Variants in MTCL2 observed in about 807,000 individuals in gnomAD.
The protein encoded by MTCL2 is microtubule crosslinking factor 2.
chr20:36,838,669 A>G, the MTCL2 span, among the ~76,000 whole-genome samples: 1 of 151,788 alleles, frequency 6.6e-6, no homozygotes, highest in Non-Finnish European at 1.5e-5. Flanking sequence ...TTGATACTCA[A>G]TAAACAGTAG....
At chr20:36,777,763 G>T in the MTCL2 span, 1 of 596,582 alleles carries the variant, frequency 1.7e-6, no homozygotes. Context: ...CAGGCTGAGT[G>T]GGAAGGGGGT....
At chr20:36,804,690 T>C in the MTCL2 span, 2 of 1,600,052 alleles carry the variant, frequency 1.2e-6, no homozygotes, top group South Asian at 2.2e-5. Flanking sequence ...GCTAAAGGCT[T>C]GGCTGAGAGT....
At chr20:36,856,084 C>T in the MTCL2 span, among the ~76,000 whole-genome samples, 1 of 152,188 alleles carries the variant, frequency 6.6e-6, no homozygotes, top group Non-Finnish European at 1.5e-5. Context: ...CCTTCCCAGA[C>T]TCTCCCCATC....
chr20:36,807,048 A>C, the MTCL2 span, among the ~76,000 whole-genome samples: 1 of 152,152 alleles, frequency 6.6e-6, no homozygotes, highest in Non-Finnish European at 1.5e-5. Context: ...TATGTTTCCA[A>C]ACGTCACAGA....
At chr20:36,790,077 C>T in the MTCL2 span, among the ~76,000 whole-genome samples, 12 of 151,232 alleles carry the variant, frequency 7.9e-5, no homozygotes, top group Non-Finnish European at 1.3e-4. Flanking sequence ...CTGCAAGCTC[C>T]GCCTCCCGGG....
chr20:36,805,178 T>C, the MTCL2 span, among the ~76,000 whole-genome samples: 1 of 152,202 alleles, frequency 6.6e-6, no homozygotes, highest in Non-Finnish European at 1.5e-5. Context: ...ATCATCTGGC[T>C]TCTTCAAGGC....
chr20:36,861,937 G>A, the MTCL2 span, among the ~76,000 whole-genome samples: 8,439 of 152,316 alleles, frequency 0.055, 360 homozygotes, highest in Non-Finnish European at 0.096. Context: ...CTCTCACTGC[G>A]AACATGGAAA....
the MTCL2 span, chr20:36,785,023 G>A: frequency 2.0e-6 from 2 of 985,540 alleles, no homozygotes; most frequent in Non-Finnish European, 2.4e-6. Context: ...AAATGAGACA[G>A]GCAATGGAGA....
At chr20:36,862,064 A>G in the MTCL2 span, among the ~76,000 whole-genome samples, 9 of 152,242 alleles carry the variant, frequency 5.9e-5, no homozygotes, top group Non-Finnish European at 1.2e-4. Flanking sequence ...CTCCCACGAC[A>G]TCATCCTCCA....
At chr20:36,818,580 G>C in the MTCL2 span, among the ~76,000 whole-genome samples, 1 of 152,190 alleles carries the variant, frequency 6.6e-6, no homozygotes, top group Non-Finnish European at 1.5e-5. Context: ...TGAGAGGATT[G>C]CTTGCATTGA....
At chr20:36,815,947 C>A in the MTCL2 span, 1 of 1,613,030 alleles carries the variant, frequency 6.2e-7, no homozygotes, top group Non-Finnish European at 8.5e-7. The surrounding 1 kb of genome is among the most constrained non-coding windows in gnomAD (Gnocchi z 5.3). Context: ...CCACCCAGCG[C>A]GGAGAAGGCC....
At chr20:36,860,707 C>T in the MTCL2 span, among the ~76,000 whole-genome samples, 1 of 152,194 alleles carries the variant, frequency 6.6e-6, no homozygotes. Context: ...GGTTGGAAAG[C>T]GTGTTACTGT....
chr20:36,805,698 A>C, the MTCL2 span, among the ~76,000 whole-genome samples: 2 of 152,198 alleles, frequency 1.3e-5, no homozygotes, highest in Admixed American at 6.6e-5. Flanking sequence ...CCCACAGTCC[A>C]TCATCTGGAC....
chr20:36,794,268 C>T, the MTCL2 span: 2 of 1,551,746 alleles, frequency 1.3e-6, no homozygotes, highest in Non-Finnish European at 1.7e-6. The surrounding 1 kb of genome is among the most constrained non-coding windows in gnomAD (Gnocchi z 5.4). Flanking sequence ...ATGATCTTGC[C>T]CTCTTTGTCA....
chr20:36,784,351 T>C, the MTCL2 span: 1 of 985,686 alleles, frequency 1.0e-6, no homozygotes, highest in African/African-American at 1.7e-5. Flanking sequence ...ATGACCCTGG[T>C]GTTCAGCCTG....
chr20:36,787,994 A>T, the MTCL2 span, among the ~76,000 whole-genome samples: 14 of 149,804 alleles, frequency 9.3e-5, no homozygotes, highest in African/African-American at 3.2e-4. Context: ...TGAGGTCAGG[A>T]GTTCAAGACC....
At chr20:36,814,906 T>A in the MTCL2 span, among the ~76,000 whole-genome samples, 6 of 151,640 alleles carry the variant, frequency 4.0e-5, no homozygotes, top group East Asian at 1.2e-3. Flanking sequence ...AAAAAATAAA[T>A]AAAAATTAGC....
At chr20:36,812,809 G>A in the MTCL2 span, 2 of 1,613,254 alleles carry the variant, frequency 1.2e-6, no homozygotes, top group Non-Finnish European at 1.7e-6. Context: ...CTCGGATCCT[G>A]GGCTCCCATT....
the MTCL2 span, among the ~76,000 whole-genome samples, chr20:36,813,313 T>TAAAAAA: frequency 0.099 from 4,139 of 41,712 alleles, 1,162 homozygotes; most frequent in Non-Finnish European, 0.11. Context: ...ACTGTTTCTT[T>TAAAAAA]AAAAAAAAAA....
Sources: gnomAD v4.1 joint callset for allele counts (sites outside exome capture counted in the v4.1 genomes callset) on GRCh38, gnomAD v4.1.1 for gene constraint, Gnocchi (gnomAD v3.1) non-coding constraint, MANE v1.5 for transcripts, NCBI Gene and HGNC (gene_info 2026-07-23, HGNC 2026-07-21) for gene names.